The following ODAD4 variants were observed in gnomAD, a reference collection of about 807,000 sequenced individuals.
The protein encoded by ODAD4 is outer dynein arm docking complex subunit 4, also known as outer dynein arm-docking complex subunit 4.
A neutral mutation model predicts 51.8 loss-of-function variants in ODAD4; 49 were observed. That is an observed-to-expected ratio of 0.95 (90% confidence interval 0.75 to 1.20). The LOEUF is 1.20. Among genes scored for constraint, ODAD4 ranks in the 50% most tolerant of loss-of-function variants. The pLI is 0.00. For synonymous variants in ODAD4, 235 were observed against 221.3 expected, an observed-to-expected ratio of 1.06 and a Z score of -0.55; for missense variants, 590 against 586.5, an observed-to-expected ratio of 1.01 and a Z score of -0.06.
In ODAD4 at chr17:41,930,788, G is replaced by A. The variant is rs377736469; in HGVS notation, c.65G>A (p.Arg22Gln). 12 of 1,607,074 alleles carry A rather than the reference G, an allele frequency of 7.5e-6. No homozygotes were observed. In the African/African-American group the frequency reaches 1.6e-4, roughly 22 times the overall value. The change falls in exon 1 of 12, where the codon CGG becomes CAG. Residue 22 changes from arginine to glutamine, a missense_variant. Arg to Gln is a conservative substitution (Grantham distance 43). This residue lies in a region of ODAD4 where 360 missense variants were observed against 407.5 expected (regional missense o/e 0.88). Coordinates refer to ENST00000377540, the MANE Select transcript of ODAD4 (RefSeq NM_031421.5). ...TFPSYMAEGE[R>Q]LYLCGEFSKA... ...CCCTCTTATATGGCCGAAGGCGAGC[G>A]GCTCTACCTGTGCGGGGAATTTTCT...
At chr17:41,950,074 A>G (rs1192775215) in intron 9 of ODAD4, among the ~76,000 whole-genome samples, 2 of 151,394 alleles carry the variant, frequency 1.3e-5, no homozygotes, top group East Asian at 3.9e-4. Flanking sequence ...GGTTCAAGCG[A>G]TTCTCCTGCT....
chr17:41,935,089 C>G (rs1555637501), intron 1 of ODAD4, 128 bp from the exon 2 acceptor site: 2 of 1,139,178 alleles, frequency 1.8e-6, no homozygotes, highest in Middle Eastern at 3.0e-4. Context: ...CCCCTTGATT[C>G]TTCAGAGCCT....
chr17:41,960,168 A>C (rs1717421444), intron 10 of ODAD4, among the ~76,000 whole-genome samples: 1 of 152,182 alleles, frequency 6.6e-6, no homozygotes, highest in Non-Finnish European at 1.5e-5. Flanking sequence ...CTAGCCCACA[A>C]GAAGATTACA....
In ODAD4 at chr17:41,965,358, C is replaced by T. The variant is rs2050867173; in HGVS notation, c.1894C>T (p.Pro632Ser). The change falls in exon 12 of 12, where the codon CCA (proline) becomes TCA (serine). Residue 632 changes from proline to serine, a missense_variant. Pro to Ser is a moderately conservative substitution (Grantham distance 74). Around this residue, in one of 3 missense-constraint regions of ODAD4, gnomAD observed 226 missense variants for 162.7 expected, o/e 1.39. Transcript: ENST00000377540. Reference sequence around the variant, plus strand: ...CTCAGGAGAATTCAGCAGACAGGAACCAGAAGAACTAAAGAAACTTTCAGA... The same window carrying T: ...CTCAGGAGAATTCAGCAGACAGGAATCAGAAGAACTAAAGAAACTTTCAGA... ...RLSGEFSRQEPEELKKLSEVG... is the reference protein window; with the variant it reads ...RLSGEFSRQESEELKKLSEVG... 1.3e-6 allele frequency: 1 copy of T among 780,184 alleles called. No homozygotes were observed. Among genetic ancestry groups the T allele is most frequent in the Admixed American group, 1.7e-5 (1 of 58,942 alleles). The allele number at this position is 780,184 out of a possible 1,614,324, so 48.3% of individuals were successfully genotyped here.
At position 41,938,585 on chromosome 17, in the gene ODAD4, C is replaced by T. The variant is rs147969617; in HGVS notation, c.654C>T (p.Gly218=). The change falls in exon 6 of 12, where the codon GGC becomes GGT. Residue 218 remains glycine, a synonymous_variant. Coordinates refer to ENST00000377540, the MANE Select transcript of ODAD4 (RefSeq NM_031421.5). ...EDLIKGTMKG[G]LTVEDLIMTG... Reference sequence around the variant, plus strand: ...TGATCAAAGGCACCATGAAGGGCGGCCTGACTGTGGAGGACCTCATCATGA... The same window carrying T: ...TGATCAAAGGCACCATGAAGGGCGGTCTGACTGTGGAGGACCTCATCATGA... 7.2e-5 allele frequency: 116 copies of T among 1,613,910 alleles called. No individual in the cohort carries two copies. In the East Asian group the frequency reaches 1.1e-3, roughly 15 times the overall value.
At chr17:41,954,843 T>G (rs1473888793) in intron 9 of ODAD4, among the ~76,000 whole-genome samples, 1 of 141,222 alleles carries the variant, frequency 7.1e-6, no homozygotes, top group Non-Finnish European at 1.5e-5. Context: ...AGAGTGAAAC[T>G]CTGTCTCAAA....
chr17:41,938,295 C>T lies in ODAD4; in HGVS notation c.626-262C>T, dbSNP rs374931857. Among the ~76,000 whole-genome samples, 5 of 152,378 alleles carry T rather than the reference C, an allele frequency of 3.3e-5. No homozygotes were observed. The East Asian group carries it at 9.6e-4, about 29-fold the overall frequency. On this transcript the variant is annotated intron_variant, in intron 5 of 11. Coordinates refer to ENST00000377540, the MANE Select transcript of ODAD4 (RefSeq NM_031421.5). ...CCGAGGCTTCTCAGCGAGCCATCCA[C>T]CAGCTGCCCCTTCTGGCTAGCTCCT... is the stretch of plus-strand genomic sequence containing the variant.
chr17:41,962,217 T>C (rs923742818), intron 11 of ODAD4, among the ~76,000 whole-genome samples: 5 of 152,014 alleles, frequency 3.3e-5, no homozygotes, highest in Admixed American at 6.5e-5. Flanking sequence ...GCCAGAGTCA[T>C]GTAGCTAGGG....
At chr17:41,948,668 T>C (rs1289207459) in intron 8 of ODAD4, among the ~76,000 whole-genome samples, 1 of 151,898 alleles carries the variant, frequency 6.6e-6, no homozygotes, top group Non-Finnish European at 1.5e-5. Flanking sequence ...TGAGATGGAG[T>C]CTTGCTCTGT....
At chr17:41,935,480 T>G in intron 2 of ODAD4, 119 bp from the exon 3 acceptor site, 1 of 1,506,170 alleles carries the variant, frequency 6.6e-7, no homozygotes, top group Non-Finnish European at 8.9e-7. Context: ...GGTCATTGCC[T>G]AAGTCCCTGC....
chr17:41,956,567 T>C (rs2050737051), intron 10 of ODAD4, among the ~76,000 whole-genome samples: 1 of 146,532 alleles, frequency 6.8e-6, no homozygotes, highest in Non-Finnish European at 1.5e-5. Context: ...TTGCTGGGAC[T>C]CGGCAACATG....
chr17:41,955,225 A>G lies in ODAD4; in HGVS notation c.1351A>G (p.Arg451Gly). The change falls in exon 10 of 12, where the codon AGA (arginine) becomes GGA (glycine). Residue 451 changes from arginine to glycine, a missense_variant. By Grantham distance (125) the Arg-to-Gly change is moderately radical. Around this residue, in one of 3 missense-constraint regions of ODAD4, gnomAD observed 226 missense variants for 162.7 expected, o/e 1.39. Transcript: ENST00000377540. ...CTCCCCTTGCTCTCCAGTGAAGCTG[A>G]GAGACTTCGAGTCAGCCGTGAACAA... Reference protein sequence around the residue: ...VLVAQAQVKLRDFESAVNNFE... With the variant: ...VLVAQAQVKLGDFESAVNNFE... 1.3e-6 allele frequency: 1 copy of G among 777,984 alleles called. No individual in the cohort carries two copies. Among genetic ancestry groups the G allele is most frequent in the Non-Finnish European group, 2.4e-6 (1 of 416,802 alleles). The allele number at this position is 777,984 out of a possible 1,614,324, so 48.2% of individuals were successfully genotyped here.
intron 8 of ODAD4, among the ~76,000 whole-genome samples, chr17:41,948,721 A>G (rs1390465791): frequency 1.8e-4 from 27 of 151,502 alleles, no homozygotes; most frequent in Non-Finnish European, 2.1e-4. Context: ...GCTCACTGCA[A>G]CCTCCACCTC....
intron 11 of ODAD4, among the ~76,000 whole-genome samples, chr17:41,964,346 C>T (rs2050846261): frequency 6.6e-6 from 1 of 152,178 alleles, no homozygotes; most frequent in Admixed American, 6.5e-5. Context: ...CAGGCGTGAG[C>T]CATGCCGCCC....
Position 41,933,094 on chromosome 17 carries a change from C to T in ODAD4, c.115-2123C>T, listed in dbSNP as rs553670509. ...AAGTGAACAATTGAGTTCGGTAGCCCTGTCCCCACTTATTCTCCTCCTGCT... is the reference window on the plus strand; with the variant it reads ...AAGTGAACAATTGAGTTCGGTAGCCTTGTCCCCACTTATTCTCCTCCTGCT... On this transcript the variant is annotated intron_variant, in intron 1 of 11. Transcript: ENST00000377540. Among the ~76,000 whole-genome samples, 9 of 152,226 alleles carry T rather than the reference C, an allele frequency of 5.9e-5. No homozygotes were observed. In the East Asian group the frequency reaches 1.7e-3, roughly 29 times the overall value.
At chr17:41,963,140 C>G (rs1555641972) in intron 11 of ODAD4, among the ~76,000 whole-genome samples, 2 of 152,188 alleles carry the variant, frequency 1.3e-5, no homozygotes, top group Non-Finnish European at 2.9e-5. Context: ...GGGCACGTCC[C>G]TCTCAGAACA....
chr17:41,947,080 C>T (rs2050598783), intron 8 of ODAD4, among the ~76,000 whole-genome samples: 1 of 151,346 alleles, frequency 6.6e-6, no homozygotes, highest in African/African-American at 2.4e-5. Flanking sequence ...CAACTCCCGA[C>T]CTCAGGTGAT....
Position 41,955,540 on chromosome 17 carries a change from C to T in ODAD4, c.1443+223C>T, listed in dbSNP as rs1598088687. 2.6e-5 allele frequency among the ~76,000 whole-genome samples: 4 copies of T among 152,282 alleles called. No homozygotes were observed. The South Asian group carries it at 6.2e-4, about 24-fold the overall frequency. ...CTTCCGGGTTCACACCATTCTCCTG[C>T]CTCAGCCTCCCAAGTAGCTAGGACT... On this transcript the variant is annotated intron_variant, in intron 10 of 11. Coordinates refer to ENST00000377540, the MANE Select transcript of ODAD4 (RefSeq NM_031421.5).
intron 7 of ODAD4, among the ~76,000 whole-genome samples, chr17:41,942,024 T>C (rs1393883764): frequency 6.6e-6 from 1 of 152,180 alleles, no homozygotes; most frequent in Non-Finnish European, 1.5e-5. Context: ...CACTGCAACC[T>C]GCAACCTCCG....
Sources: gnomAD v4.1 joint callset for allele counts (sites outside exome capture counted in the v4.1 genomes callset) on GRCh38, gnomAD v4.1.1 for gene constraint, gnomAD v4.1.1 regional missense constraint, MANE v1.5 for transcripts, NCBI Gene and HGNC (gene_info 2026-07-23, HGNC 2026-07-21) for gene names.